The following UNC45A variants were observed in gnomAD, a reference collection of about 807,000 sequenced individuals.
The protein encoded by UNC45A is unc-45 myosin chaperone A.
UNC45A carries 78 observed loss-of-function variants against 103.2 expected under a neutral mutation model. The observed-to-expected ratio is 0.76, with a 90% CI of 0.63 to 0.91. UNC45A has a LOEUF of 0.91. UNC45A is among the 40% of genes least tolerant of loss of function. UNC45A has a pLI of 0.00. For synonymous variants in UNC45A, 495 were observed against 504.6 expected, an observed-to-expected ratio of 0.98 and a Z score of 0.25; for missense variants, 1,193 against 1,224.8, an observed-to-expected ratio of 0.97 and a Z score of 0.39.
At position 90,940,405 on chromosome 15, in the gene UNC45A, G is replaced by C; in HGVS notation, c.619G>C (p.Gly207Arg). The C allele has an allele frequency of 2.5e-6, 4 of 1,614,158 alleles. No individual in the cohort carries two copies. Among genetic ancestry groups the C allele is most frequent in the Non-Finnish European group, 3.4e-6 (4 of 1,180,000 alleles). The stretch of plus-strand genomic sequence containing the variant: ...GCTCTTGCAACGTTTACTGGACATG[G>C]GAGAGACTGACCTCATGCTGGCGGC... Reference protein sequence around the residue: ...VQLLQRLLDMGETDLMLAALR... With the variant: ...VQLLQRLLDMRETDLMLAALR... The change falls in exon 6 of 20, where the codon GGA becomes CGA. Residue 207 changes from glycine to arginine, a missense_variant. By Grantham distance (125) the Gly-to-Arg change is moderately radical. Coordinates refer to ENST00000418476, the MANE Select transcript of UNC45A (RefSeq NM_018671.5).
upstream of UNC45A, chr15:90,931,743 G>C (rs1437921030): frequency 6.2e-7 from 1 of 1,614,120 alleles, no homozygotes; most frequent in Admixed American, 1.7e-5. Flanking sequence ...AGATTGTACA[G>C]CTTGTCTGCC....
chr15:90,932,362 C>A (rs554531112), upstream of UNC45A: 787 of 1,005,522 alleles, frequency 7.8e-4, 11 homozygotes, highest in African/African-American at 0.012. Flanking sequence ...TGCACGCCCC[C>A]CACGTTTCCT....
chr15:90,932,619 C>CG (rs1872148516), upstream of UNC45A: 1 of 916,134 alleles, frequency 1.1e-6, no homozygotes, highest in South Asian at 4.8e-5. Context: ...CGGGGAGGCC[C>CG]GGGGATCGTG....
rs1159103759 is a variant in UNC45A, at chr15:90,936,340, A to G, written c.306A>G (p.Leu102=). ...CACTCTACCGGCGGAGCCAAGCCCT[A>G]GAGAAGCTGGGCCGCCTGGACCAGG... ...VKALYRRSQA[L]EKLGRLDQAV... Residue 102 remains leucine (L), a synonymous_variant, in exon 4 of 20, where the codon CTA becomes CTG. Coordinates refer to ENST00000418476, the MANE Select transcript of UNC45A (RefSeq NM_018671.5). 1 of 1,614,210 alleles carries G rather than the reference A, an allele frequency of 6.2e-7. No homozygotes were observed. Among genetic ancestry groups the G allele is most frequent in the Non-Finnish European group, 8.5e-7 (1 of 1,180,038 alleles).
chr15:90,943,254 C>G (rs1354903587), intron 8 of UNC45A, among the ~76,000 whole-genome samples, 172 bp downstream of exon 8: 1 of 151,906 alleles, frequency 6.6e-6, no homozygotes, highest in African/African-American at 2.4e-5. Flanking sequence ...TAGCGAGACC[C>G]TGTCTCTATG....
intron 10 of UNC45A, 44 bp downstream of exon 10, chr15:90,946,958 G>C (rs753401999): frequency 1.3e-6 from 2 of 1,569,546 alleles, no homozygotes; most frequent in Admixed American, 1.7e-5. Flanking sequence ...AGCCAGGCAG[G>C]GGTCCTGGTC....
intron 8 of UNC45A, among the ~76,000 whole-genome samples, chr15:90,943,521 G>A (rs1347449540): frequency 6.6e-6 from 1 of 152,034 alleles, no homozygotes; most frequent in Non-Finnish European, 1.5e-5. Context: ...GGATGCTGGA[G>A]CTGAGAAGAT....
upstream of UNC45A, chr15:90,935,117 C>T (rs903840098): frequency 4.9e-6 from 3 of 609,838 alleles, no homozygotes; most frequent in East Asian, 2.8e-5. Flanking sequence ...GCGGGGACAG[C>T]TTAGGTGCGC....
At chr15:90,949,633 A>G (rs1567160976) in intron 14 of UNC45A, 21 bp from the exon 15 acceptor site, 2 of 1,613,772 alleles carry the variant, frequency 1.2e-6, no homozygotes, top group Admixed American at 1.7e-5. Context: ...CTGCCTGCCC[A>G]CCACCGCCTT....
rs1353277501 is a variant in UNC45A, at chr15:90,948,634, AT to A, written c.1738-18del. On this transcript the variant is annotated intron_variant, in intron 12 of 19. Transcript: ENST00000418476. Reference sequence around the variant, plus strand: ...GCTCTGCCCCGGGATGCCCATGTGAATTCCTCTGTGTCCTGGCAGTTGGAGG... The same window carrying A: ...GCTCTGCCCCGGGATGCCCATGTGAATCCTCTGTGTCCTGGCAGTTGGAGG... 6.2e-7 allele frequency: 1 copy of A among 1,611,594 alleles called. No individual in the cohort carries two copies. Among genetic ancestry groups the A allele is most frequent in the East Asian group, 2.2e-5 (1 of 44,782 alleles).
chr15:90,942,917 G>T lies in UNC45A; in HGVS notation c.862G>T (p.Ala288Ser). The change falls in exon 8 of 20, where the codon GCC becomes TCC. Residue 288 changes from alanine (A) to serine (S), a missense_variant. Ala to Ser is a moderately conservative substitution (Grantham distance 99). Coordinates refer to ENST00000418476, the MANE Select transcript of UNC45A (RefSeq NM_018671.5). Reference sequence around the variant, plus strand: ...TGTCTTCTTGTTGTTGCCAGATCCTGCCCGGGAGCTGAAGGTCCTCATCAG... The same window carrying T: ...TGTCTTCTTGTTGTTGCCAGATCCTTCCCGGGAGCTGAAGGTCCTCATCAG... ...GKEGAIIVDPARELKVLISNL... is the reference protein window; with the variant it reads ...GKEGAIIVDPSRELKVLISNL... 4.4e-6 allele frequency: 7 copies of T among 1,605,606 alleles called. No homozygotes were observed. The highest frequency in any genetic ancestry group is 6.0e-6 in the Non-Finnish European group (7 of 1,174,038).
At chr15:90,934,486 G>A (rs114776753), upstream of UNC45A, 386 of 398,856 alleles carry the variant, frequency 9.7e-4, no homozygotes, top group African/African-American at 7.2e-3. Context: ...TGCTGCACCC[G>A]GGCTGAATTT....
upstream of UNC45A, chr15:90,932,245 C>CT: frequency 1.0e-6 from 1 of 999,528 alleles, no homozygotes; most frequent in Non-Finnish European, 1.4e-6. Flanking sequence ...ACCTTACCCT[C>CT]TGGGAGCCAA....
At chr15:90,939,167 G>C (rs181963167) in intron 4 of UNC45A, among the ~76,000 whole-genome samples, 334 of 152,110 alleles carry the variant, frequency 2.2e-3, no homozygotes, top group Non-Finnish European at 3.7e-3. Flanking sequence ...TTTTAGTAGA[G>C]ATGGGGTTTC....
chr15:90,934,385 T>C (rs553817194), upstream of UNC45A: 91 of 399,152 alleles, frequency 2.3e-4, 1 homozygote, highest in East Asian at 3.1e-3. Flanking sequence ...GGGATGTCCA[T>C]GGCCGTCACT....
intron 17 of UNC45A, among the ~76,000 whole-genome samples, chr15:90,951,801 C>G (rs2036929661): frequency 6.6e-6 from 1 of 151,966 alleles, no homozygotes; most frequent in African/African-American, 2.4e-5. Context: ...ACCTGTAGTC[C>G]CAGCTACTCG....
chr15:90,951,102 G>A (rs970495901), intron 17 of UNC45A, among the ~76,000 whole-genome samples: 9 of 152,298 alleles, frequency 5.9e-5, no homozygotes, highest in African/African-American at 2.2e-4. Flanking sequence ...CTGCCTCCCA[G>A]GTTCAAGCGA....
At chr15:90,942,397 A>G (rs762759606) in intron 6 of UNC45A, 40 bp from the exon 7 acceptor site, 2 of 1,564,248 alleles carry the variant, frequency 1.3e-6, no homozygotes, top group Non-Finnish European at 1.7e-6. Flanking sequence ...CTGCCCTTCA[A>G]CAACTGGAAG....
Position 90,944,920 on chromosome 15 carries a change from C to T in UNC45A, c.1056C>T (p.Gly352=). Residue 352 remains glycine, a synonymous_variant, in exon 9 of 20, where the codon GGC becomes GGT. Transcript: ENST00000418476. ...QGLKKILEVG[G]SLQDPPGELA... ...TGAAAAAGATTTTGGAAGTGGGGGGCTCTCTACAGGACCCTCCTGGGGAGC... is the reference window on the plus strand; with the variant it reads ...TGAAAAAGATTTTGGAAGTGGGGGGTTCTCTACAGGACCCTCCTGGGGAGC... The T allele has an allele frequency of 6.2e-7, 1 of 1,612,300 alleles. No homozygotes were observed.
Sources: gnomAD v4.1 joint callset for allele counts (sites outside exome capture counted in the v4.1 genomes callset) on GRCh38, gnomAD v4.1.1 for gene constraint, MANE v1.5 for transcripts, NCBI Gene and HGNC (gene_info 2026-07-23, HGNC 2026-07-21) for gene names.